Variants in ZNF395 observed in about 807,000 individuals in gnomAD.
ZNF395 encodes HD gene regulatory region-binding protein 2.
ZNF395 carries 20 observed loss-of-function variants against 57.7 expected under a neutral mutation model. That is an observed-to-expected ratio of 0.35 (90% CI 0.24 to 0.50). ZNF395 has a LOEUF of 0.50. Among genes scored for constraint, ZNF395 ranks in the 20% least tolerant of loss-of-function variants. The pLI is 0.97. For missense variants in ZNF395, 606 were observed against 671.2 expected (o/e 0.90, Z 1.07); for synonymous variants, 295 against 275.9 (o/e 1.07, Z -0.69).
At chr8:28,349,830 T>C (rs552228927) in intron 8 of ZNF395, among the ~76,000 whole-genome samples, 4 of 152,370 alleles carry the variant, frequency 2.6e-5, no homozygotes, top group Non-Finnish European at 5.9e-5. Context: ...CTGCTTGCTC[T>C]GGACATCCTC....
intron 1 of ZNF395, among the ~76,000 whole-genome samples, chr8:28,382,464 T>C (rs1802121085): frequency 2.0e-5 from 3 of 152,114 alleles, no homozygotes; most frequent in African/African-American, 7.2e-5. Context: ...TACACTTTCC[T>C]AACTCCAAGG....
At chr8:28,377,894 GT>G (rs142021249) in intron 1 of ZNF395, among the ~76,000 whole-genome samples, 1,569 of 151,244 alleles carry the variant, frequency 0.01, 26 homozygotes, top group African/African-American at 0.036. Flanking sequence ...AGTAGCTGGT[GT>G]TACAGGCAAG....
At chr8:28,357,866 C>A (rs1469056577) in intron 3 of ZNF395, among the ~76,000 whole-genome samples, 1 of 152,150 alleles carries the variant, frequency 6.6e-6, no homozygotes, top group African/African-American at 2.4e-5. Flanking sequence ...GTATATAAGA[C>A]AATTTCAGTC....
At position 28,386,378 on chromosome 8, in the gene ZNF395, GC is replaced by G. The variant is rs1415426730; in HGVS notation, c.-59+14del. On this transcript the variant is annotated intron_variant, in intron 1 of 9. Coordinates refer to ENST00000344423, the MANE Select transcript of ZNF395 (RefSeq NM_018660.3). ...CACCCGCCCAGCACGCCCCCAGCGC[GC>G]CTGGGCTACACACCCCCGGCCGCCC... 2 of 133,860 alleles carry G rather than the reference GC, an allele frequency of 1.5e-5. No individual in the cohort carries two copies. The highest frequency in any genetic ancestry group is 1.6e-5 in the Non-Finnish European group (1 of 64,162). 8.3% of individuals were successfully genotyped at this position (133,860 alleles called of 1,614,324 possible). A position where few individuals can be genotyped will look rare whatever the true frequency, so the allele number is the denominator to read the frequency against.
In ZNF395 at chr8:28,351,532, C is replaced by T; in HGVS notation, c.1196G>A (p.Gly399Glu). The change falls in exon 7 of 10, where the codon GGG becomes GAG. Residue 399 changes from glycine to glutamate, a missense_variant. Gly to Glu is a moderately conservative substitution (Grantham distance 98). Transcript: ENST00000344423. ...PSGALSKSAP[G>E]SFWHIQADHA... ...ATCTGCCTGAATGTGCCAGAAGGAC[C>T]CAGGAGCTGACTTGCTGAGAGCCCC... The T allele has an allele frequency of 6.2e-7, 1 of 1,612,676 alleles. No individual in the cohort carries two copies. The highest frequency in any genetic ancestry group is 8.5e-7 in the Non-Finnish European group (1 of 1,179,044).
rs1254213262 is a variant in ZNF395, at chr8:28,359,519, A to G, written c.473+73T>C. ...AATGACACCACATTTCTTCCCCACCACAACACAGCCCACACCCTTACACCA... is the reference window on the plus strand; with the variant it reads ...AATGACACCACATTTCTTCCCCACCGCAACACAGCCCACACCCTTACACCA... On this transcript the variant is annotated intron_variant, in intron 3 of 9. Transcript: ENST00000344423. The surrounding 1 kb of genome is among the most constrained non-coding windows in gnomAD (Gnocchi z 4.7). The G allele has an allele frequency of 2.0e-6, 3 of 1,485,554 alleles. No individual in the cohort carries two copies. In the African/African-American group the frequency reaches 4.2e-5, roughly 21 times the overall value. 92.0% of individuals were successfully genotyped at this position (1,485,554 alleles called of 1,614,324 possible). A position where few individuals can be genotyped will look rare whatever the true frequency, so the allele number is the denominator to read the frequency against.
rs953061349 is a variant in ZNF395 at position 28,359,977 on chromosome 8, A to T, written c.241-153T>A. 6.6e-6 allele frequency among the ~76,000 whole-genome samples: 1 copy of T among 151,942 alleles called. No homozygotes were observed. ...TTTATTCAAGCAGATGTTCCCAGGT[A>T]CTCGCTTCCCACCTGAGCACCCACA... On this transcript the variant is annotated intron_variant, in intron 2 of 9. Transcript: ENST00000344423. The surrounding 1 kb of genome is among the most constrained non-coding windows in gnomAD (Gnocchi z 4.7).
rs1801635349 is a variant in ZNF395 at position 28,348,450 on chromosome 8, T to C, written c.*269A>G. 1 of 420,798 alleles carries C rather than the reference T, an allele frequency of 2.4e-6. No homozygotes were observed. Among genetic ancestry groups the C allele is most frequent in the African/African-American group, 2.0e-5 (1 of 49,368 alleles). The allele number at this position is 420,798 out of a possible 1,614,324, so 26.1% of individuals were successfully genotyped here. ...TGGGAAACGGAGGGTAATTAATTCT[T>C]TGGTCACTGGTTCACTGCTGAATAG... is the stretch of plus-strand genomic sequence containing the variant. On this transcript the variant is annotated 3_prime_UTR_variant, in exon 10 of 10. Coordinates refer to ENST00000344423, the MANE Select transcript of ZNF395 (RefSeq NM_018660.3).
intron 4 of ZNF395, among the ~76,000 whole-genome samples, chr8:28,355,011 GAAAGCAAAACAT>G (rs1467763302): frequency 1.3e-5 from 2 of 151,936 alleles, no homozygotes; most frequent in African/African-American, 2.4e-5. Context: ...GGCACACAAA[GAAAGCAAAACAT>G]AAAGCAAAAC....
At position 28,348,383 on chromosome 8, in the gene ZNF395, T is replaced by C. The variant is rs545038442; in HGVS notation, c.*336A>G. Reference sequence around the variant, plus strand: ...GCAGGAAGCAGAACGAGCTGTTCCTTCTTTTGACACGCACAAGCTAATCCC... The same window carrying C: ...GCAGGAAGCAGAACGAGCTGTTCCTCCTTTTGACACGCACAAGCTAATCCC... On this transcript the variant is annotated 3_prime_UTR_variant, in exon 10 of 10. Transcript: ENST00000344423. The C allele has an allele frequency of 1.9e-5, 5 of 260,698 alleles. No homozygotes were observed. The highest frequency in any genetic ancestry group is 1.1e-4 in the African/African-American group (5 of 43,532). 16.1% of individuals were successfully genotyped at this position (260,698 alleles called of 1,614,324 possible).
Position 28,345,763 on chromosome 8 carries a change from C to CTTTTTTTT in ZNF395, c.*2948_*2955dup, listed in dbSNP as rs11392432. ...ACAGATGGGATTTATCTCCCTCTTG[C>CTTTTTTTT]TTTTTTTTTTTTTGCCCCTGGTAAA... On this transcript the variant is annotated 3_prime_UTR_variant, in exon 10 of 10. Coordinates refer to ENST00000344423, the MANE Select transcript of ZNF395 (RefSeq NM_018660.3). The CTTTTTTTT allele has an allele frequency of 7.1e-6, 1 of 141,128 alleles. No homozygotes were observed. The highest frequency in any genetic ancestry group is 2.2e-4 in the South Asian group (1 of 4,562). The allele number at this position is 141,128 out of a possible 1,614,324, so 8.7% of individuals were successfully genotyped here.
intron 1 of ZNF395, among the ~76,000 whole-genome samples, chr8:28,369,856 G>C (rs1273013083): frequency 2.0e-5 from 3 of 152,212 alleles, no homozygotes; most frequent in Non-Finnish European, 4.4e-5. Flanking sequence ...TCCAGCTCTT[G>C]ACCATGCACC....
chr8:28,348,860 C>G (rs1186323457), intron 9 of ZNF395, 30 bp from the exon 10 acceptor site: 1 of 1,609,850 alleles, frequency 6.2e-7, no homozygotes, highest in Admixed American at 1.7e-5. Flanking sequence ...CAAATCGAGC[C>G]CCACACAGGT....
chr8:28,381,059 T>TG, intron 1 of ZNF395, among the ~76,000 whole-genome samples: 1 of 100,768 alleles, frequency 9.9e-6, no homozygotes, highest in African/African-American at 3.1e-5. Flanking sequence ...GTGTGTGTGT[T>TG]TTGACGGAGT....
At chr8:28,354,113 C>G (rs1456291825) in intron 4 of ZNF395, among the ~76,000 whole-genome samples, 1 of 152,192 alleles carries the variant, frequency 6.6e-6, no homozygotes, top group Admixed American at 6.5e-5. Flanking sequence ...ACAAGCTCTG[C>G]GAGCAATTCT....
chr8:28,353,359 G>A lies in ZNF395; in HGVS notation c.633C>T (p.Asp211=), dbSNP rs1397641132. 6 of 1,592,882 alleles carry A rather than the reference G, an allele frequency of 3.8e-6. No individual in the cohort carries two copies. Among genetic ancestry groups the A allele is most frequent in the African/African-American group, 1.3e-5 (1 of 74,606 alleles). Residue 211 remains aspartate, a synonymous_variant, in exon 5 of 10, where the codon GAC becomes GAT. Coordinates refer to ENST00000344423, the MANE Select transcript of ZNF395 (RefSeq NM_018660.3). ...DPWKESGDIS[D]SGSSTTSGHW... Reference sequence around the variant, plus strand: ...GACCGCTGGTAGTGCTGCTGCCGCTGTCCGAGATGTCACCACTCTCCTTCC... The same window carrying A: ...GACCGCTGGTAGTGCTGCTGCCGCTATCCGAGATGTCACCACTCTCCTTCC...
intron 1 of ZNF395, among the ~76,000 whole-genome samples, chr8:28,376,361 G>C (rs1802040559): frequency 6.6e-6 from 1 of 151,842 alleles, no homozygotes; most frequent in African/African-American, 2.4e-5. Flanking sequence ...GCTCACGCCT[G>C]TTAATCCCAG....
At chr8:28,385,661 CG>C (rs1437144083) in intron 1 of ZNF395, among the ~76,000 whole-genome samples, 1 of 147,232 alleles carries the variant, frequency 6.8e-6, no homozygotes, top group Non-Finnish European at 1.5e-5. Flanking sequence ...GCGGGAGGGC[CG>C]GGCGGGCGGC....
chr8:28,363,662 C>T (rs1238606417), intron 1 of ZNF395, among the ~76,000 whole-genome samples: 1 of 152,128 alleles, frequency 6.6e-6, no homozygotes, highest in Admixed American at 6.6e-5. Context: ...CTAATGGCCT[C>T]CCCACGTTCT....
Sources: gnomAD v4.1 joint callset for allele counts (sites outside exome capture counted in the v4.1 genomes callset) on GRCh38, gnomAD v4.1.1 for gene constraint, Gnocchi (gnomAD v3.1) non-coding constraint, MANE v1.5 for transcripts, NCBI Gene and HGNC (gene_info 2026-07-23, HGNC 2026-07-21) for gene names.